The following RASGEF1A variants were observed in gnomAD, a reference collection of about 807,000 sequenced individuals.
RASGEF1A encodes the protein ras-GEF domain-containing family member 1A.
A neutral mutation model predicts 56.4 loss-of-function variants in RASGEF1A; 18 were observed. The observed-to-expected ratio is 0.32, with a 90% CI of 0.22 to 0.47. The LOEUF is 0.47. Among genes scored for constraint, RASGEF1A ranks in the 20% least tolerant of loss-of-function variants. The pLI is 1.00. For synonymous variants in RASGEF1A, 245 were observed against 242.6 expected (o/e 1.01, Z -0.09); for missense variants, 422 against 627.1 (o/e 0.67, Z 3.49).
chr10:43,248,441 T>C (rs1840591133), intron 1 of RASGEF1A, among the ~76,000 whole-genome samples: 2 of 149,136 alleles, frequency 1.3e-5, no homozygotes, highest in South Asian at 4.3e-4. Context: ...TAAAACCCAC[T>C]AAATCATGCA....
intron 1 of RASGEF1A, among the ~76,000 whole-genome samples, chr10:43,212,437 C>T (rs1160697610): frequency 2.0e-5 from 3 of 152,220 alleles, no homozygotes; most frequent in Admixed American, 6.5e-5. Flanking sequence ...AGAACAGCCA[C>T]GTGCTGATGG....
intron 3 of RASGEF1A, 143 bp from the exon 4 acceptor site, chr10:43,202,088 T>C: frequency 1.2e-6 from 1 of 848,956 alleles, no homozygotes. Context: ...CACCTGCGGT[T>C]TGGCCAAACC....
rs779659918 is a variant in RASGEF1A at position 43,200,231 on chromosome 10, T to G, written c.707A>C (p.Glu236Ala). 1 of 1,607,762 alleles carries G rather than the reference T, an allele frequency of 6.2e-7. No homozygotes were observed. The highest frequency in any genetic ancestry group is 8.5e-7 in the Non-Finnish European group (1 of 1,176,766). ...GTGGCTGACGATCTGCATCAAGTCC[T>G]CAGGGTAAATGCTGCTGACCCTGTC... is the stretch of plus-strand genomic sequence containing the variant. ...ELDRVSSIYP[E>A]DLMQIVSHMD... The change falls in exon 6 of 13, where the codon GAG becomes GCG. Residue 236 changes from glutamate (E) to alanine (A), a missense_variant. By Grantham distance (107) the Glu-to-Ala change is moderately radical (BLOSUM62 -1). Around this residue, in one of 2 missense-constraint regions of RASGEF1A, gnomAD observed 273 missense variants for 339.9 expected, o/e 0.80. Transcript: ENST00000395810.
At chr10:43,202,630 C>T (rs768427561) in intron 3 of RASGEF1A, 2 of 467,272 alleles carry the variant, frequency 4.3e-6, no homozygotes, top group Non-Finnish European at 8.8e-6. Flanking sequence ...CCACTCAGAC[C>T]GCTGGACCCC....
chr10:43,246,936 G>C (rs1166722170), intron 1 of RASGEF1A, among the ~76,000 whole-genome samples: 1 of 152,172 alleles, frequency 6.6e-6, no homozygotes, highest in Non-Finnish European at 1.5e-5. Context: ...GATCCAATTT[G>C]AAAAACTTGT....
intron 1 of RASGEF1A, among the ~76,000 whole-genome samples, chr10:43,227,324 T>C (rs748254414): frequency 2.0e-5 from 3 of 152,048 alleles, no homozygotes; most frequent in South Asian, 2.1e-4. Flanking sequence ...CTGCAGCCCA[T>C]GTGTCTGTGA....
Position 43,203,309 on chromosome 10 carries a change from C to G in RASGEF1A, c.310G>C (p.Gly104Arg). 1 of 1,558,396 alleles carries G rather than the reference C, an allele frequency of 6.4e-7. No homozygotes were observed. The highest frequency in any genetic ancestry group is 8.7e-7 in the Non-Finnish European group (1 of 1,151,876). ...CVEQKQQLEAGPEKAKLKSFS... is the reference protein window; with the variant it reads ...CVEQKQQLEARPEKAKLKSFS... ...AGGCCCCGCCTCACCTTTTCAGGCC[C>G]GGCTTCCAGCTGCTGCTTCTGCTCC... is the stretch of plus-strand genomic sequence containing the variant. The change falls in exon 3 of 13, where the codon GGG becomes CGG. Residue 104 changes from glycine to arginine, a missense_variant. Transcript: ENST00000395810.
At chr10:43,215,688 T>G (rs1177464565) in intron 1 of RASGEF1A, among the ~76,000 whole-genome samples, 1 of 152,190 alleles carries the variant, frequency 6.6e-6, no homozygotes, top group Non-Finnish European at 1.5e-5. Context: ...TAATGATCCC[T>G]GCCTAGATAC....
intron 1 of RASGEF1A, chr10:43,229,724 G>A: frequency 1.4e-6 from 2 of 1,403,198 alleles, no homozygotes; most frequent in East Asian, 3.1e-5. Context: ...CTCTGCCCGC[G>A]AGCCAAGCAA....
At chr10:43,253,920 C>T (rs1352027136) in intron 1 of RASGEF1A, among the ~76,000 whole-genome samples, 1 of 152,204 alleles carries the variant, frequency 6.6e-6, no homozygotes, top group East Asian at 1.9e-4. Flanking sequence ...GAGCACCAGC[C>T]GGCTGGCCAC....
chr10:43,200,512 G>A (rs575615802), intron 5 of RASGEF1A, among the ~76,000 whole-genome samples, 155 bp downstream of exon 5: 20 of 152,318 alleles, frequency 1.3e-4, no homozygotes, highest in Admixed American at 5.2e-4. Context: ...CCACTCAGAC[G>A]GACACACATC....
chr10:43,230,114 G>T (rs1412181020), intron 1 of RASGEF1A, among the ~76,000 whole-genome samples: 2 of 152,166 alleles, frequency 1.3e-5, no homozygotes, highest in Non-Finnish European at 2.9e-5. Context: ...GCGCGGGAAG[G>T]GGATGCCTCT....
intron 1 of RASGEF1A, among the ~76,000 whole-genome samples, chr10:43,237,697 C>T (rs530896145): frequency 2.6e-5 from 4 of 152,212 alleles, no homozygotes; most frequent in East Asian, 1.9e-4. Context: ...CAGGCCTGAA[C>T]GCACTCATGC....
chr10:43,203,898 G>A, intron 2 of RASGEF1A: 1 of 531,974 alleles, frequency 1.9e-6, no homozygotes, highest in Non-Finnish European at 2.4e-6. Context: ...ATGGGGCGGG[G>A]CCTCATCAGC....
chr10:43,198,866 C>T (rs1839843540), intron 9 of RASGEF1A, 67 bp downstream of exon 9: 1 of 1,445,600 alleles, frequency 6.9e-7, no homozygotes, highest in East Asian at 2.3e-5. Flanking sequence ...ACTGTCAGGG[C>T]CCCCTTCGGG....
At chr10:43,222,573 T>C (rs1840222555) in intron 1 of RASGEF1A, among the ~76,000 whole-genome samples, 1 of 152,234 alleles carries the variant, frequency 6.6e-6, no homozygotes, top group African/African-American at 2.4e-5. Context: ...GTGCAGTGCC[T>C]GGGAGGACAG....
rs1839938743 is a variant in RASGEF1A at position 43,203,301 on chromosome 10, T to C, written c.318A>G (p.Glu106=). 6.4e-7 allele frequency: 1 copy of C among 1,554,846 alleles called. No individual in the cohort carries two copies. Among genetic ancestry groups the C allele is most frequent in the African/African-American group, 1.4e-5 (1 of 73,372 alleles). ...EQKQQLEAGP[E]KAKLKSFSAK... is the part of the protein sequence containing the mutation. The stretch of plus-strand genomic sequence containing the variant: ...CCCCAGCCAGGCCCCGCCTCACCTT[T>C]TCAGGCCCGGCTTCCAGCTGCTGCT... The change falls in exon 3 of 13, where the codon GAA becomes GAG. Residue 106 remains glutamate (E), a synonymous_variant. Transcript: ENST00000395810.
intron 1 of RASGEF1A, chr10:43,208,532 G>A (rs1310249301): frequency 1.0e-5 from 10 of 985,640 alleles, no homozygotes; most frequent in Non-Finnish European, 1.2e-5. Flanking sequence ...GGGTGTCCCA[G>A]GCAAGCAGAG....
chr10:43,208,896 ACT>A, intron 1 of RASGEF1A: 2 of 985,144 alleles, frequency 2.0e-6, no homozygotes, highest in Non-Finnish European at 2.4e-6. Context: ...CAGCAGGCCC[ACT>A]CCTTGTTCCT....
Sources: allele counts gnomAD v4.1 joint callset (sites outside exome capture counted in the v4.1 genomes callset), GRCh38; gene constraint gnomAD v4.1.1; regional missense constraint gnomAD v4.1.1; transcripts MANE v1.5; gene names NCBI Gene and HGNC (gene_info 2026-07-23, HGNC 2026-07-21).